The following CHD9 variants were observed in gnomAD, a reference collection of about 807,000 sequenced individuals.
The protein encoded by CHD9 is ATP-dependent chromatin remodeler CHD9.
Under a neutral mutation model 316.1 loss-of-function variants are expected in CHD9, and 77 were observed. The observed-to-expected ratio is 0.24, with a 90% CI of 0.20 to 0.29. The LOEUF is 0.29. CHD9 is among the 10% of genes least tolerant of loss of function. The pLI, the probability that CHD9 is intolerant of heterozygous loss-of-function variation, is 1.00. For missense variants in CHD9, 2,763 were observed against 3,438.1 expected (o/e 0.80, Z 4.91); for synonymous variants, 1,129 against 1,158.3 (o/e 0.97, Z 0.51).
chr16:53,271,823 T>C (rs1450419615), intron 22 of CHD9, among the ~76,000 whole-genome samples: 1 of 151,938 alleles, frequency 6.6e-6, no homozygotes, highest in African/African-American at 2.4e-5. Context: ...GAAAATCTTG[T>C]TAGGAAGAAA....
rs535501040 is a variant in CHD9, at chr16:53,157,123, C to T, written c.1034C>T (p.Pro345Leu). The change falls in exon 2 of 39, where the codon CCT becomes CTT. Residue 345 changes from proline (P) to leucine (L), a missense_variant. Physicochemically the swap from Pro to Leu is moderately conservative, Grantham distance 98. Around this residue, in one of 15 missense-constraint regions of CHD9, gnomAD observed 859 missense variants for 890.4 expected, o/e 0.96. Transcript: ENST00000447540. ...NNFQILHSSH[P>L]QGNYSNSKLS... ...TTCCAAATATTGCATTCATCACATC[C>T]TCAGGGTAATTATAGCAATTCAAAA... 6 of 1,610,652 alleles carry T rather than the reference C, an allele frequency of 3.7e-6. No homozygotes were observed. In the South Asian group the frequency reaches 4.4e-5, roughly 12 times the overall value.
chr16:53,100,986 C>T (rs999590027), intron 1 of CHD9, among the ~76,000 whole-genome samples: 2 of 152,042 alleles, frequency 1.3e-5, no homozygotes, highest in African/African-American at 4.8e-5. Flanking sequence ...ATGTCACTGC[C>T]CTGTACCATC....
chr16:53,109,683 T>TC, intron 1 of CHD9, among the ~76,000 whole-genome samples: 1 of 92,378 alleles, frequency 1.1e-5, no homozygotes, highest in South Asian at 4.4e-4. Context: ...GTTTCTTTTT[T>TC]TTTTTTTTTT....
At chr16:53,060,674 T>G (rs2032766846) in intron 1 of CHD9, among the ~76,000 whole-genome samples, 1 of 152,024 alleles carries the variant, frequency 6.6e-6, no homozygotes, top group Admixed American at 6.6e-5. Flanking sequence ...GCGAATCAAT[T>G]GAGCTGAGGA....
At position 53,314,407 on chromosome 16, in the gene CHD9, A is replaced by T. The variant is rs1288660531; in HGVS notation, c.7253A>T (p.Asn2418Ile). 4 of 1,586,742 alleles carry T rather than the reference A, an allele frequency of 2.5e-6. No homozygotes were observed. Among genetic ancestry groups the T allele is most frequent in the Non-Finnish European group, 3.4e-6 (4 of 1,165,542 alleles). Residue 2418 changes from asparagine (N) to isoleucine (I), a missense_variant, in exon 35 of 39, where the codon AAT becomes ATT. This residue lies in a region of CHD9 where 663 missense variants were observed against 751.2 expected (regional missense o/e 0.88). Transcript: ENST00000447540. Reference sequence around the variant, plus strand: ...TCCATTCAACCAACCCTTGGTGCCAATGGTGTGATATTAGACAACCAGCCT... The same window carrying T: ...TCCATTCAACCAACCCTTGGTGCCATTGGTGTGATATTAGACAACCAGCCT... ...GTSIQPTLGA[N>I]GVILDNQPIV...
chr16:53,145,177 CTT>C (rs918272863), intron 1 of CHD9, among the ~76,000 whole-genome samples: 1 of 150,068 alleles, frequency 6.7e-6, no homozygotes, highest in Admixed American at 6.6e-5. Flanking sequence ...TTGAGACAGA[CTT>C]TAGCTCTTCT....
chr16:53,215,720 G>C (rs1549041), intron 3 of CHD9, among the ~76,000 whole-genome samples: 73,433 of 151,986 alleles, frequency 0.48, 18,419 homozygotes, highest in African/African-American at 0.59. Context: ...CCAATTATTG[G>C]AATGAGAGAA....
At chr16:53,189,805 G>A (rs1404771139) in intron 2 of CHD9, among the ~76,000 whole-genome samples, 1 of 152,082 alleles carries the variant, frequency 6.6e-6, no homozygotes, top group East Asian at 1.9e-4. Context: ...CTTACAGGAT[G>A]ATAGCGGAGG....
chr16:53,254,586 G>C lies in CHD9; in HGVS notation c.4010G>C (p.Arg1337Thr), dbSNP rs1458076167. The C allele has an allele frequency of 1.2e-6, 2 of 1,605,722 alleles. No individual in the cohort carries two copies. Among genetic ancestry groups the C allele is most frequent in the African/African-American group, 2.7e-5 (2 of 74,658 alleles). The part of the protein sequence containing the change: ...DKAVLQSMSG[R>T]ESNVGGIQQL... ...GCTGTGTTACAGAGCATGAGTGGAA[G>C]AGAAAGTAATGTTGGTGGTGTATGT... The change falls in exon 18 of 39, where the codon AGA (arginine) becomes ACA (threonine). Residue 1337 changes from arginine to threonine, a missense_variant. This residue lies in a region of CHD9 where 199 missense variants were observed against 251.7 expected (regional missense o/e 0.79). Coordinates refer to ENST00000447540, the MANE Select transcript of CHD9 (RefSeq NM_001308319.2).
chr16:53,197,165 G>T (rs2044997432), intron 2 of CHD9, among the ~76,000 whole-genome samples: 2 of 152,140 alleles, frequency 1.3e-5, no homozygotes, highest in African/African-American at 4.8e-5. Context: ...ATGGAATTTG[G>T]CTAAGACTCC....
chr16:53,262,508 A>G (rs889405281), intron 19 of CHD9, among the ~76,000 whole-genome samples: 5 of 152,116 alleles, frequency 3.3e-5, no homozygotes, highest in African/African-American at 1.2e-4. Context: ...TTAAAATGAC[A>G]ATGATTTATT....
chr16:53,162,237 G>A lies in CHD9; in HGVS notation c.1452+4696G>A, dbSNP rs1038827520. Among the ~76,000 whole-genome samples the A allele has an allele frequency of 2.0e-5, 3 of 152,180 alleles. No individual in the cohort carries two copies. The East Asian group carries it at 5.8e-4, about 29-fold the overall frequency. On this transcript the variant is annotated intron_variant, in intron 2 of 38. Transcript: ENST00000447540. ...ACAGTGGGAAGAGAGGCCAGAGGGAGATGAAGAATAGTAGGGTTGTTGGGA... is the reference window on the plus strand; with the variant it reads ...ACAGTGGGAAGAGAGGCCAGAGGGAAATGAAGAATAGTAGGGTTGTTGGGA...
intron 2 of CHD9, among the ~76,000 whole-genome samples, chr16:53,192,533 T>A (rs1046275251): frequency 6.6e-6 from 1 of 152,230 alleles, no homozygotes; most frequent in South Asian, 2.1e-4. Flanking sequence ...ATCTTTTGTG[T>A]CATATAGTTC....
At chr16:53,090,563 C>A (rs981490545) in intron 1 of CHD9, among the ~76,000 whole-genome samples, 1 of 152,178 alleles carries the variant, frequency 6.6e-6, no homozygotes, top group African/African-American at 2.4e-5. Context: ...ACGGTCCTGG[C>A]ATACAGTAAT....
rs1309843909 is a variant in CHD9, at chr16:53,307,858, G to C, written c.6958G>C (p.Gly2320Arg). Residue 2320 changes from glycine (G) to arginine (R), a missense_variant, in exon 33 of 39, where the codon GGT becomes CGT. Around this residue, in one of 15 missense-constraint regions of CHD9, gnomAD observed 663 missense variants for 751.2 expected, o/e 0.88. Coordinates refer to ENST00000447540, the MANE Select transcript of CHD9 (RefSeq NM_001308319.2). ...CGATCCCAGTGTACCCACTCCCCCA[G>C]GTGCCGGTGTTAAAGAAGAACATGA... ...YSDPSVPTPP[G>R]AGVKEEHDQS... 1.9e-6 allele frequency: 3 copies of C among 1,613,812 alleles called. No homozygotes were observed. The highest frequency in any genetic ancestry group is 1.7e-5 in the Admixed American group (1 of 60,000).
At chr16:53,225,013 C>T (rs1252588345) in intron 4 of CHD9, among the ~76,000 whole-genome samples, 1 of 152,110 alleles carries the variant, frequency 6.6e-6, no homozygotes, top group African/African-American at 2.4e-5. Context: ...ACCCATCCTA[C>T]ATGAGGCATG....
chr16:53,238,060 C>T (rs892672492), intron 11 of CHD9, among the ~76,000 whole-genome samples: 1 of 152,052 alleles, frequency 6.6e-6, no homozygotes, highest in Non-Finnish European at 1.5e-5. Context: ...TTAAATGATT[C>T]CTGAACAAAT....
intron 30 of CHD9, chr16:53,298,253 G>T (rs1176450911): frequency 6.6e-6 from 1 of 152,104 alleles, no homozygotes; most frequent in African/African-American, 2.4e-5. Context: ...CTCAAAGCAG[G>T]CACTGCCCTG....
At chr16:53,148,983 C>T (rs2040866647) in intron 1 of CHD9, among the ~76,000 whole-genome samples, 1 of 152,118 alleles carries the variant, frequency 6.6e-6, no homozygotes, top group Non-Finnish European at 1.5e-5. Context: ...TTTTCATTTG[C>T]GTATTTTCTA....
Sources: gnomAD v4.1 joint callset for allele counts (sites outside exome capture counted in the v4.1 genomes callset) on GRCh38, gnomAD v4.1.1 for gene constraint, gnomAD v4.1.1 regional missense constraint, MANE v1.5 for transcripts, NCBI Gene and HGNC (gene_info 2026-07-23, HGNC 2026-07-21) for gene names.